Variants in FAM184A observed in about 807,000 individuals in gnomAD.
FAM184A encodes the protein family with sequence similarity 184 member A, also known as protein FAM184A.
FAM184A carries 99 observed loss-of-function variants against 143.8 expected under a neutral mutation model. The observed-to-expected ratio is 0.69, with a 90% CI of 0.58 to 0.81. The LOEUF (loss-of-function observed/expected upper bound fraction) is 0.81. Ranked by LOEUF, FAM184A falls within the 40% of genes least tolerant of loss-of-function variation. The pLI is 0.00. For missense variants in FAM184A, 1,217 were observed against 1,310.5 expected (o/e 0.93, Z 1.10); for synonymous variants, 427 against 446.4 (o/e 0.96, Z 0.55).
At chr6:119,061,009 A>T (rs1582569855) in intron 1 of FAM184A, among the ~76,000 whole-genome samples, 1 of 152,174 alleles carries the variant, frequency 6.6e-6, no homozygotes, top group Non-Finnish European at 1.5e-5. Flanking sequence ...ATGTGGCTGG[A>T]AGTTCTGGAG....
intron 5 of FAM184A, among the ~76,000 whole-genome samples, chr6:119,015,596 T>TG (rs994921523): frequency 3.9e-5 from 6 of 152,212 alleles, no homozygotes; most frequent in Admixed American, 1.3e-4. Flanking sequence ...CCGCCATGCC[T>TG]GAGCCTTCCC....
chr6:119,041,908 G>A (rs4579389), intron 1 of FAM184A, among the ~76,000 whole-genome samples: 29,941 of 152,044 alleles, frequency 0.2, 3,316 homozygotes, highest in Non-Finnish European at 0.25. Flanking sequence ...AACACTCACC[G>A]CATGGCCCAA....
chr6:119,007,612 T>C (rs200114318), intron 6 of FAM184A, among the ~76,000 whole-genome samples: 1 of 152,180 alleles, frequency 6.6e-6, no homozygotes, highest in East Asian at 1.9e-4. Context: ...TTTTAAAAGT[T>C]TGGTAAAATT....
intron 11 of FAM184A, 62 bp from the exon 12 acceptor site, chr6:118,976,106 A>T: frequency 6.6e-7 from 1 of 1,515,766 alleles, no homozygotes; most frequent in Non-Finnish European, 8.9e-7. Flanking sequence ...TACTTTAGAT[A>T]AAAATTATAG....
chr6:119,061,531 C>CT (rs977029986), intron 1 of FAM184A, among the ~76,000 whole-genome samples: 2,784 of 58,558 alleles, frequency 0.048, 566 homozygotes, highest in African/African-American at 0.13. Context: ...AATTATTTTT[C>CT]TTTTTTTTTT....
chr6:119,034,921 A>G (rs1416799536), intron 1 of FAM184A, among the ~76,000 whole-genome samples: 1 of 152,228 alleles, frequency 6.6e-6, no homozygotes, highest in Non-Finnish European at 1.5e-5. Flanking sequence ...TTTGTTTACA[A>G]AAGGTTTAGT....
At chr6:119,108,162 T>C (rs1001318706) in intron 1 of FAM184A, among the ~76,000 whole-genome samples, 8 of 142,616 alleles carry the variant, frequency 5.6e-5, no homozygotes, top group African/African-American at 2.1e-4. Context: ...GTGTGTAGGG[T>C]TCTTGTATGG....
chr6:119,135,064 C>A (rs903906105), intron 1 of FAM184A, among the ~76,000 whole-genome samples: 6 of 152,148 alleles, frequency 3.9e-5, no homozygotes, highest in African/African-American at 1.4e-4. Context: ...TTTGCAGAAG[C>A]CTTACTCTTA....
intron 1 of FAM184A, among the ~76,000 whole-genome samples, chr6:119,071,730 T>C (rs927309696): frequency 7.2e-5 from 11 of 152,128 alleles, no homozygotes; most frequent in African/African-American, 2.7e-4. Flanking sequence ...CACCCCCACC[T>C]AGACCAATCT....
chr6:119,065,650 A>G (rs1477742068), intron 1 of FAM184A, among the ~76,000 whole-genome samples: 2 of 152,054 alleles, frequency 1.3e-5, no homozygotes, highest in East Asian at 1.9e-4. Flanking sequence ...GTTATCCTCA[A>G]TCTTCTCCTA....
intron 1 of FAM184A, among the ~76,000 whole-genome samples, chr6:119,091,437 C>A (rs1302977046): frequency 2.0e-5 from 3 of 152,182 alleles, no homozygotes; most frequent in South Asian, 2.1e-4. Flanking sequence ...ACTAGCCGAT[C>A]TCTAAATTGT....
At chr6:118,996,761 C>A (rs1353576075) in intron 9 of FAM184A, among the ~76,000 whole-genome samples, 1 of 152,060 alleles carries the variant, frequency 6.6e-6, no homozygotes, top group East Asian at 1.9e-4. Flanking sequence ...ATCACCCAAG[C>A]TGGAGTGCAG....
intron 9 of FAM184A, among the ~76,000 whole-genome samples, chr6:118,986,747 T>C (rs1447124414): frequency 6.6e-6 from 1 of 152,228 alleles, no homozygotes; most frequent in Non-Finnish European, 1.5e-5. Context: ...TTCTAAAGTA[T>C]AATTCAATTA....
chr6:119,001,048 A>G (rs1784740547), intron 9 of FAM184A, among the ~76,000 whole-genome samples: 1 of 150,662 alleles, frequency 6.6e-6, no homozygotes, highest in African/African-American at 2.5e-5. Context: ...AACAAGATCC[A>G]GAGCCAAGAA....
In FAM184A at chr6:119,130,237, C is replaced by A. The variant is rs888518443; in HGVS notation, c.-202+18841G>T. ...TCTGAAAACCACCATTTGAGGAAGA[C>A]TTCCGGCTCCAGAAATGAAATTTTA... On this transcript the variant is annotated intron_variant, in intron 1 of 16. Transcript: ENST00000352896. 2.0e-5 allele frequency among the ~76,000 whole-genome samples: 3 copies of A among 152,302 alleles called. No homozygotes were observed. In the East Asian group the frequency reaches 5.8e-4, roughly 29 times the overall value.
intron 1 of FAM184A, among the ~76,000 whole-genome samples, chr6:119,040,092 G>A (rs9374774): frequency 0.13 from 20,067 of 152,178 alleles, 1,492 homozygotes; most frequent in Non-Finnish European, 0.17. Flanking sequence ...ATATGCCTGC[G>A]TGGGTCTCTT....
At chr6:119,051,984 G>T (rs1786786505) in intron 1 of FAM184A, among the ~76,000 whole-genome samples, 1 of 152,166 alleles carries the variant, frequency 6.6e-6, no homozygotes, top group African/African-American at 2.4e-5. Context: ...CCAGACAGCA[G>T]TATCTATGTA....
chr6:119,041,888 A>C (rs1786348651), intron 1 of FAM184A, among the ~76,000 whole-genome samples: 1 of 152,126 alleles, frequency 6.6e-6, no homozygotes, highest in Non-Finnish European at 1.5e-5. Flanking sequence ...ACGGCTTCTA[A>C]TAGAGGTATA....
chr6:118,966,508 A>C (rs1783505453), intron 15 of FAM184A, among the ~76,000 whole-genome samples: 1 of 152,146 alleles, frequency 6.6e-6, no homozygotes, highest in African/African-American at 2.4e-5. Flanking sequence ...GCCAATCCTA[A>C]TACTACATGT....
Sources: allele counts gnomAD v4.1 joint callset (sites outside exome capture counted in the v4.1 genomes callset), GRCh38; gene constraint gnomAD v4.1.1; transcripts MANE v1.5; gene names NCBI Gene and HGNC (gene_info 2026-07-23, HGNC 2026-07-21).